The following TMC1 variants were observed in gnomAD, a reference collection of about 807,000 sequenced individuals.
TMC1 encodes transmembrane channel-like protein 1.
A neutral mutation model predicts 105.8 loss-of-function variants in TMC1; 84 were observed. The ratio of observed to expected loss-of-function variants is 0.79; its 90% CI spans 0.67 to 0.95. The LOEUF is 0.95. TMC1 is among the 40% of genes least tolerant of loss of function. The pLI, the probability that TMC1 is intolerant of heterozygous loss-of-function variation, is 0.00. For synonymous variants in TMC1, 315 were observed against 311.5 expected, an observed-to-expected ratio of 1.01 and a Z score of -0.12; for missense variants, 817 against 914.1, an observed-to-expected ratio of 0.89 and a Z score of 1.37.
chr9:72,828,915 CTAA>C (rs1828999880), intron 21 of TMC1, among the ~76,000 whole-genome samples: 1 of 152,164 alleles, frequency 6.6e-6, no homozygotes, highest in African/African-American at 2.4e-5. Flanking sequence ...TAAGTAATTA[CTAA>C]TAATAACCGT....
chr9:72,700,833 C>T, intron 8 of TMC1, 190 bp downstream of exon 8: 1 of 217,906 alleles, frequency 4.6e-6, no homozygotes, highest in East Asian at 8.1e-5. Flanking sequence ...ATATATGACT[C>T]ATTATATATA....
chr9:72,827,085 C>G lies in TMC1; in HGVS notation c.2129+91C>G, dbSNP rs565786712. ...AGCTTTTTCAGCTCTCTCACTCTCC[C>G]TAAGGGTTCTGCTGTAACCTATCCA... On this transcript the variant is annotated intron_variant, in intron 21 of 23. Transcript: ENST00000297784. 19 of 1,541,730 alleles carry G rather than the reference C, an allele frequency of 1.2e-5. No homozygotes were observed. In the Admixed American group the frequency reaches 3.0e-4, roughly 24 times the overall value.
At position 72,836,042 on chromosome 9, in the gene TMC1, G is replaced by T. The variant is rs761420487; in HGVS notation, c.*69G>T. The T allele has an allele frequency of 1.9e-6, 3 of 1,546,000 alleles. No homozygotes were observed. Among genetic ancestry groups the T allele is most frequent in the Non-Finnish European group, 1.8e-6 (2 of 1,125,928 alleles). ...TTTAAAAGTAATGCAATATGTGAAC[G>T]CCCAGAGAACAAGCACTGTGGAACT... On this transcript the variant is annotated 3_prime_UTR_variant, in exon 24 of 24. Coordinates refer to ENST00000297784, the MANE Select transcript of TMC1 (RefSeq NM_138691.3).
At chr9:72,724,280 G>T (rs1827079370) in intron 8 of TMC1, among the ~76,000 whole-genome samples, 1 of 152,164 alleles carries the variant, frequency 6.6e-6, no homozygotes, top group Admixed American at 6.5e-5. Flanking sequence ...CCTGGCAAGG[G>T]TCATCCAATG....
In TMC1 at chr9:72,618,273, A is replaced by G. The variant is rs540695090; in HGVS notation, c.-196+1796A>G. Among the ~76,000 whole-genome samples, 23 of 151,910 alleles carry G rather than the reference A, an allele frequency of 1.5e-4. No individual in the cohort carries two copies. In the East Asian group the frequency reaches 4.3e-3, roughly 28 times the overall value. ...CCTGACCTTAAGTGATCCACCTACC[A>G]TGGCCTCCCAAAGTGCTGGGATTAT... On this transcript the variant is annotated intron_variant, in intron 3 of 23. Transcript: ENST00000297784.
At chr9:72,752,939 C>T (rs999721981) in intron 11 of TMC1, among the ~76,000 whole-genome samples, 3 of 152,138 alleles carry the variant, frequency 2.0e-5, no homozygotes, top group African/African-American at 7.2e-5. Context: ...TACTGTGCGT[C>T]ACAACAAATT....
chr9:72,782,785 C>A (rs1028892589), intron 13 of TMC1, among the ~76,000 whole-genome samples: 1 of 152,018 alleles, frequency 6.6e-6, no homozygotes, highest in African/African-American at 2.4e-5. Context: ...TTAAAGAAAT[C>A]AGAAATGACA....
chr9:72,829,813 T>C (rs1356637031), intron 21 of TMC1, among the ~76,000 whole-genome samples: 1 of 152,238 alleles, frequency 6.6e-6, no homozygotes, highest in Non-Finnish European at 1.5e-5. Flanking sequence ...AAGATAAGCA[T>C]ATTTATTTTT....
intron 2 of TMC1, among the ~76,000 whole-genome samples, chr9:72,602,746 T>C (rs1824839886): frequency 6.6e-6 from 1 of 152,162 alleles, no homozygotes; most frequent in Non-Finnish European, 1.5e-5. Flanking sequence ...GAACATTTTG[T>C]TGGTGTGTTT....
chr9:72,568,597 A>G (rs1824211031), intron 1 of TMC1, among the ~76,000 whole-genome samples: 1 of 152,216 alleles, frequency 6.6e-6, no homozygotes, highest in Non-Finnish European at 1.5e-5. Flanking sequence ...TTATGAAATC[A>G]TGATTGCTTA....
chr9:72,645,313 T>G (rs1432986323), intron 4 of TMC1, among the ~76,000 whole-genome samples: 2 of 152,140 alleles, frequency 1.3e-5, no homozygotes, highest in African/African-American at 4.8e-5. Flanking sequence ...CAGGCAAGAG[T>G]AGAGCTTTTG....
chr9:72,538,628 G>A (rs985176453), intron 1 of TMC1, among the ~76,000 whole-genome samples: 1 of 152,034 alleles, frequency 6.6e-6, no homozygotes, highest in South Asian at 2.1e-4. Context: ...TAGTAGAGAT[G>A]GGGTTTCACC....
At chr9:72,729,243 C>G (rs1424447692) in intron 8 of TMC1, among the ~76,000 whole-genome samples, 1 of 152,074 alleles carries the variant, frequency 6.6e-6, no homozygotes, top group Non-Finnish European at 1.5e-5. Context: ...ATAGGTCACT[C>G]TCATGTTTGT....
At chr9:72,684,249 C>T (rs1826339461) in intron 5 of TMC1, among the ~76,000 whole-genome samples, 1 of 152,084 alleles carries the variant, frequency 6.6e-6, no homozygotes, top group Admixed American at 6.6e-5. Flanking sequence ...TTACTCACTG[C>T]CCATCAGTTC....
At chr9:72,697,916 A>C (rs748842227) in intron 7 of TMC1, among the ~76,000 whole-genome samples, 7 of 152,180 alleles carry the variant, frequency 4.6e-5, no homozygotes, top group Non-Finnish European at 8.8e-5. Flanking sequence ...ATATTTCAAT[A>C]AAACTGCTAT....
chr9:72,584,385 C>T (rs1016550619), intron 2 of TMC1, among the ~76,000 whole-genome samples: 3 of 151,718 alleles, frequency 2.0e-5, no homozygotes, highest in African/African-American at 7.3e-5. Flanking sequence ...TCCACATCAA[C>T]CTCCCAAGTA....
At position 72,661,326 on chromosome 9, in the gene TMC1, C is replaced by T. The variant is rs117024460; in HGVS notation, c.16+12662C>T. On this transcript the variant is annotated intron_variant, in intron 5 of 23. Coordinates refer to ENST00000297784, the MANE Select transcript of TMC1 (RefSeq NM_138691.3). ...GCATTGCTGCCATGTGGCATTTATACTTCTCAAGCAGCTGTGTCATCTTAT... is the reference window on the plus strand; with the variant it reads ...GCATTGCTGCCATGTGGCATTTATATTTCTCAAGCAGCTGTGTCATCTTAT... Among the ~76,000 whole-genome samples the T allele has an allele frequency of 6.4e-3, 982 of 152,330 alleles. 4 individuals carry two copies. Among genetic ancestry groups the T allele is most frequent in the Middle Eastern group, 0.014 (4 of 294 alleles).
intron 6 of TMC1, among the ~76,000 whole-genome samples, chr9:72,692,988 C>T (rs181742481): frequency 4.5e-4 from 69 of 151,972 alleles, no homozygotes; most frequent in African/African-American, 1.4e-3. Context: ...GGTATGATGG[C>T]GCACACCTGT....
intron 17 of TMC1, among the ~76,000 whole-genome samples, chr9:72,801,610 T>G (rs1828473642): frequency 6.6e-6 from 1 of 152,212 alleles, no homozygotes; most frequent in African/African-American, 2.4e-5. Flanking sequence ...CCTTCACCTA[T>G]TAATAAATTA....
Sources: gnomAD v4.1 joint callset for allele counts (sites outside exome capture counted in the v4.1 genomes callset) on GRCh38, gnomAD v4.1.1 for gene constraint, MANE v1.5 for transcripts, NCBI Gene and HGNC (gene_info 2026-07-23, HGNC 2026-07-21) for gene names.